Variants in RMDN2 observed in about 807,000 individuals in gnomAD.
RMDN2 encodes regulator of microtubule dynamics protein 2.
In RMDN2, 61 loss-of-function variants were observed where a neutral mutation model predicts 52.8. That is an observed-to-expected ratio of 1.16 (90% CI 0.94 to 1.43). The LOEUF is 1.43. Among genes scored for constraint, RMDN2 ranks in the 40% most tolerant of loss-of-function variants. RMDN2 has a pLI of 0.00. For missense variants in RMDN2, 592 were observed against 475.3 expected, an observed-to-expected ratio of 1.25 and a Z score of -2.28; for synonymous variants, 180 against 153.1, an observed-to-expected ratio of 1.18 and a Z score of -1.30.
At chr2:38,061,247 GTTATCAGA>G (rs1682035332) in intron 10 of RMDN2, among the ~76,000 whole-genome samples, 1 of 152,046 alleles carries the variant, frequency 6.6e-6, no homozygotes, top group South Asian at 2.1e-4. Flanking sequence ...CAGGCACTGA[GTTATCAGA>G]TTTGCTTCAG....
intron 2 of RMDN2, among the ~76,000 whole-genome samples, chr2:37,968,644 T>C (rs899149305): frequency 6.6e-6 from 1 of 152,130 alleles, no homozygotes; most frequent in African/African-American, 2.4e-5. Context: ...AAATAAACAG[T>C]TGATCATGCA....
chr2:38,049,080 T>C (rs1681441393), intron 10 of RMDN2, among the ~76,000 whole-genome samples: 1 of 152,214 alleles, frequency 6.6e-6, no homozygotes, highest in Non-Finnish European at 1.5e-5. Context: ...CTGTAGAATA[T>C]GGAAAATATA....
downstream of RMDN2, among the ~76,000 whole-genome samples, chr2:38,018,422 A>C (rs1426858146): frequency 6.6e-6 from 1 of 152,266 alleles, no homozygotes; most frequent in Non-Finnish European, 1.5e-5. Flanking sequence ...GGAAATAATC[A>C]TAAAGAGTAA....
In RMDN2 at chr2:37,925,307, GC is replaced by G. The variant is rs1042217116; in HGVS notation, c.-133del. 6.6e-6 allele frequency: 1 copy of G among 152,270 alleles called. No individual in the cohort carries two copies. The highest frequency in any genetic ancestry group is 1.5e-5 in the Non-Finnish European group (1 of 68,086). 9.4% of individuals were successfully genotyped at this position (152,270 alleles called of 1,614,324 possible). The stretch of plus-strand genomic sequence containing the variant: ...CCGCTATCTGGGTCAGGACGCGACG[GC>G]CGCGGCGCGGGACCTTAGGACCCGC... On this transcript the variant is annotated 5_prime_UTR_variant, in exon 1 of 11. Coordinates refer to ENST00000354545, the MANE Select transcript of RMDN2 (RefSeq NM_001170791.3).
chr2:37,964,178 C>G (rs925047257), intron 2 of RMDN2, among the ~76,000 whole-genome samples: 2 of 151,526 alleles, frequency 1.3e-5, no homozygotes, highest in Admixed American at 6.6e-5. Context: ...ACTTCTCAGA[C>G]AGGGCAGCTG....
chr2:37,947,529 C>T (rs527898580), intron 2 of RMDN2, among the ~76,000 whole-genome samples: 1 of 152,130 alleles, frequency 6.6e-6, no homozygotes, highest in South Asian at 2.1e-4. Flanking sequence ...AAACAGGGAA[C>T]TTATGTGGAG....
intron 10 of RMDN2, among the ~76,000 whole-genome samples, chr2:38,059,823 C>A (rs190036403): frequency 1.8e-4 from 27 of 152,210 alleles, no homozygotes; most frequent in African/African-American, 6.3e-4. Flanking sequence ...TAAGCCCTGG[C>A]GGGGCACTGA....
intron 2 of RMDN2, among the ~76,000 whole-genome samples, chr2:37,969,334 G>A (rs6741144): frequency 6.6e-6 from 1 of 151,664 alleles, no homozygotes; most frequent in Non-Finnish European, 1.5e-5. Context: ...TTAAATTTTC[G>A]TATCCATGAA....
intron 10 of RMDN2, among the ~76,000 whole-genome samples, chr2:38,052,495 GTTTCC>G (rs1681662330): frequency 6.6e-6 from 1 of 152,108 alleles, no homozygotes; most frequent in African/African-American, 2.4e-5. Context: ...TCTGTTGATT[GTTTCC>G]TTTGCTGTAC....
intron 4 of RMDN2, among the ~76,000 whole-genome samples, 193 bp from the exon 5 acceptor site, chr2:37,981,090 T>C (rs1446297): frequency 0.42 from 64,416 of 152,060 alleles, 15,145 homozygotes; most frequent in East Asian, 0.78. Context: ...AACCACAGAT[T>C]ATTGGGCCCC....
chr2:38,050,547 T>C (rs187815047), intron 10 of RMDN2, among the ~76,000 whole-genome samples: 168 of 152,236 alleles, frequency 1.1e-3, no homozygotes, highest in Non-Finnish European at 1.6e-3. Context: ...GGATGCAATA[T>C]AGTTTTAGTT....
At chr2:37,984,893 C>G (rs1265029316) in intron 5 of RMDN2, among the ~76,000 whole-genome samples, 6 of 151,352 alleles carry the variant, frequency 4.0e-5, no homozygotes, top group South Asian at 4.2e-4. Flanking sequence ...ATTAAAAAAT[C>G]AGATACACAC....
chr2:37,935,914 T>A (rs1228290980), intron 2 of RMDN2, among the ~76,000 whole-genome samples: 1 of 152,234 alleles, frequency 6.6e-6, no homozygotes, highest in Non-Finnish European at 1.5e-5. Flanking sequence ...TTTTCTTTTA[T>A]TAACTTTAAG....
At chr2:37,995,365 A>ACTACTACTACAC (rs1491550912) in intron 7 of RMDN2, among the ~76,000 whole-genome samples, 1 of 146,712 alleles carries the variant, frequency 6.8e-6, no homozygotes, top group African/African-American at 2.6e-5. Flanking sequence ...TACTACTACT[A>ACTACTACTACAC]CACACACACA....
chr2:38,003,546 T>TGATAGATAGATA (rs57530338), intron 8 of RMDN2, among the ~76,000 whole-genome samples: 13,770 of 132,230 alleles, frequency 0.1, 833 homozygotes, highest in Admixed American at 0.13. Context: ...AAGCAAGACC[T>TGATAGATAGATA]GATAGATAGA....
Position 38,004,173 on chromosome 2 carries a change from A to G in RMDN2, c.1136A>G (p.Lys379Arg). The change falls in exon 10 of 11, where the codon AAG becomes AGG. Residue 379 changes from lysine to arginine, a missense_variant. Lys to Arg is a conservative substitution (Grantham distance 26, BLOSUM62 2). Coordinates refer to ENST00000354545, the MANE Select transcript of RMDN2 (RefSeq NM_001170791.3). The part of the protein sequence containing the change: ...TDLEENQNAL[K>R]FCNLALLLPT... The stretch of plus-strand genomic sequence containing the variant: ...CTTGAGGAAAACCAGAATGCTTTGA[A>G]GTTCTGTAATTTGGCTTTATTGCTT... The G allele has an allele frequency of 6.2e-7, 1 of 1,613,814 alleles. No homozygotes were observed. The highest frequency in any genetic ancestry group is 8.5e-7 in the Non-Finnish European group (1 of 1,179,856).
rs75285599 is a variant in RMDN2, at chr2:37,971,259, A to G, written c.453-2781A>G. 9.2e-4 allele frequency among the ~76,000 whole-genome samples: 140 copies of G among 152,228 alleles called. 2 individuals are homozygous for G. The East Asian group carries it at 0.023, about 25-fold the overall frequency. On this transcript the variant is annotated intron_variant, in intron 2 of 10. Transcript: ENST00000354545. Reference sequence around the variant, plus strand: ...TTTGATACATTTTGAGTTAATTTTTATATATGATAGGAAGTGAGAGTTCCT... The same window carrying G: ...TTTGATACATTTTGAGTTAATTTTTGTATATGATAGGAAGTGAGAGTTCCT...
intron 8 of RMDN2, chr2:37,997,726 G>T: frequency 2.0e-6 from 1 of 491,510 alleles, no homozygotes; most frequent in East Asian, 3.7e-5. Context: ...TAGGTTCTAG[G>T]AATTACAAAC....
intron 10 of RMDN2, among the ~76,000 whole-genome samples, chr2:38,012,284 C>T (rs1423496660): frequency 6.6e-6 from 1 of 152,124 alleles, no homozygotes; most frequent in Non-Finnish European, 1.5e-5. Flanking sequence ...CAAGAAAGCC[C>T]CTATACTTTT....
Sources: gnomAD v4.1 joint callset for allele counts (sites outside exome capture counted in the v4.1 genomes callset) on GRCh38, gnomAD v4.1.1 for gene constraint, MANE v1.5 for transcripts, NCBI Gene and HGNC (gene_info 2026-07-23, HGNC 2026-07-21) for gene names.